Variants in PDK1 observed in about 807,000 individuals in gnomAD.
PDK1 encodes [Pyruvate dehydrogenase (acetyl-transferring)] kinase isozyme 1, mitochondrial.
In PDK1, 39 loss-of-function variants were observed where a neutral mutation model predicts 54.2. The observed-to-expected ratio is 0.72, with a 90% CI of 0.56 to 0.94. The LOEUF (loss-of-function observed/expected upper bound fraction) is 0.94. PDK1 is among the 40% of genes least tolerant of loss of function. The pLI is 0.00. For synonymous variants in PDK1, 221 were observed against 207.1 expected, an observed-to-expected ratio of 1.07 and a Z score of -0.58; for missense variants, 552 against 566.0, an observed-to-expected ratio of 0.98 and a Z score of 0.25.
intron 9 of PDK1, among the ~76,000 whole-genome samples, chr2:172,589,856 TC>T (rs1690474020): frequency 6.6e-6 from 1 of 152,194 alleles, no homozygotes; most frequent in Admixed American, 6.5e-5. Flanking sequence ...GTAGGATTTA[TC>T]CAGATAAAGA....
At chr2:172,622,953 A>G in the PDK1 span, among the ~76,000 whole-genome samples, 1 of 149,476 alleles carries the variant, frequency 6.7e-6, no homozygotes, top group Admixed American at 6.7e-5. Flanking sequence ...AAATATTTAG[A>G]TAGATAGATA....
At chr2:172,664,998 A>G in the PDK1 span, among the ~76,000 whole-genome samples, 2 of 152,146 alleles carry the variant, frequency 1.3e-5, no homozygotes, top group African/African-American at 2.4e-5. Context: ...TTATGTTGGT[A>G]TTGCAAAGTC....
chr2:172,612,031 A>G (rs1257034167), downstream of PDK1, among the ~76,000 whole-genome samples: 3 of 152,252 alleles, frequency 2.0e-5, no homozygotes, highest in Non-Finnish European at 4.4e-5. Flanking sequence ...CATATTTGCC[A>G]TATCATAATT....
upstream of PDK1, chr2:172,555,860 G>A (rs553363292): frequency 2.7e-5 from 8 of 292,496 alleles, no homozygotes; most frequent in South Asian, 3.5e-4. Flanking sequence ...CGGGATCTGG[G>A]CGGCGGCTGC....
At chr2:172,609,749 G>A (rs1691403653), downstream of PDK1, among the ~76,000 whole-genome samples, 1 of 152,182 alleles carries the variant, frequency 6.6e-6, no homozygotes, top group Non-Finnish European at 1.5e-5. Context: ...TTATCCATCT[G>A]GCAAATGCAG....
chr2:172,626,072 T>C, the PDK1 span, among the ~76,000 whole-genome samples: 465 of 152,336 alleles, frequency 3.1e-3, 8 homozygotes, highest in African/African-American at 0.01. Flanking sequence ...AACATTTTTT[T>C]CTTTCCTTGG....
the PDK1 span, among the ~76,000 whole-genome samples, chr2:172,708,471 T>C: frequency 6.6e-6 from 1 of 152,200 alleles, no homozygotes; most frequent in Admixed American, 6.5e-5. Flanking sequence ...TGGCTTGGTT[T>C]AAGAGAGTTA....
chr2:172,705,164 T>A, the PDK1 span, among the ~76,000 whole-genome samples: 1 of 152,208 alleles, frequency 6.6e-6, no homozygotes, highest in Non-Finnish European at 1.5e-5. Context: ...AAATTTTGTA[T>A]AAAATGTACA....
At chr2:172,568,611 T>C (rs1689088401) in intron 6 of PDK1, 130 bp from the exon 7 acceptor site, 1 of 638,572 alleles carries the variant, frequency 1.6e-6, no homozygotes, top group Non-Finnish European at 2.8e-6. Context: ...AGAAATGGTG[T>C]GGCAGTTCTC....
rs759327239 is a variant in PDK1, at chr2:172,564,971, T to G, written c.596-7T>G. The G allele has an allele frequency of 3.4e-5, 54 of 1,600,690 alleles. No individual in the cohort carries two copies. Among genetic ancestry groups the G allele is most frequent in the Non-Finnish European group, 4.3e-5 (50 of 1,168,812 alleles). On this transcript the variant is annotated splice_region_variant and splice_polypyrimidine_tract_variant and intron_variant, in intron 4 of 10. Coordinates refer to ENST00000282077, the MANE Select transcript of PDK1 (RefSeq NM_002610.5). ...TTATTTTGTTGGTTTTTTTCCTTTT[T>G]GGATAGCTTTATTGTTTGGTGGAAA...
chr2:172,643,097 C>T, the PDK1 span, among the ~76,000 whole-genome samples: 2 of 152,176 alleles, frequency 1.3e-5, no homozygotes, highest in South Asian at 2.1e-4. Flanking sequence ...CCTAGGAAAG[C>T]GCTGGGAGTC....
At chr2:172,617,109 A>G in the PDK1 span, among the ~76,000 whole-genome samples, 2 of 151,882 alleles carry the variant, frequency 1.3e-5, no homozygotes, top group African/African-American at 2.4e-5. Context: ...GCCACCACAC[A>G]TGGCTAATTT....
the PDK1 span, among the ~76,000 whole-genome samples, chr2:172,660,407 C>A: frequency 6.6e-6 from 1 of 151,506 alleles, no homozygotes; most frequent in Non-Finnish European, 1.5e-5. Flanking sequence ...CAGGTGCACT[C>A]CACCACACCC....
At chr2:172,560,641 CTG>C (rs1246675014) in intron 2 of PDK1, among the ~76,000 whole-genome samples, 7 of 152,144 alleles carry the variant, frequency 4.6e-5, no homozygotes, top group African/African-American at 9.7e-5. Context: ...TTTTAATAAA[CTG>C]TGTTTATTGA....
chr2:172,568,841 C>T lies in PDK1; in HGVS notation c.846+24C>T, dbSNP rs746038477. 1.0e-5 allele frequency: 14 copies of T among 1,339,402 alleles called. No homozygotes were observed. In the South Asian group the frequency reaches 1.5e-4, roughly 15 times the overall value. 83.0% of individuals were successfully genotyped at this position (1,339,402 alleles called of 1,614,324 possible). A position where few individuals can be genotyped will look rare whatever the true frequency, so the allele number is the denominator to read the frequency against. ...AGGTTTGTAAAATAGTATTACATAACCTTTACCAGTACTTTTCTGAGGTTA... is the reference window on the plus strand; with the variant it reads ...AGGTTTGTAAAATAGTATTACATAATCTTTACCAGTACTTTTCTGAGGTTA... On this transcript the variant is annotated intron_variant, in intron 7 of 10. Transcript: ENST00000282077.
At chr2:172,575,914 A>G (rs917520388) in intron 8 of PDK1, among the ~76,000 whole-genome samples, 11 of 152,006 alleles carry the variant, frequency 7.2e-5, no homozygotes, top group South Asian at 6.2e-4. Context: ...AGCTGTGTCT[A>G]TAGTTTGTGT....
At chr2:172,580,162 T>G (rs1315980500) in intron 8 of PDK1, among the ~76,000 whole-genome samples, 2 of 152,126 alleles carry the variant, frequency 1.3e-5, no homozygotes, top group African/African-American at 2.4e-5. Context: ...GTTTGTTCAT[T>G]TTAAAGAGAT....
the PDK1 span, among the ~76,000 whole-genome samples, chr2:172,667,248 G>C: frequency 6.6e-6 from 1 of 152,334 alleles, no homozygotes; most frequent in Admixed American, 6.5e-5. Flanking sequence ...GAGGGAATGA[G>C]AGGGAAATGT....
chr2:172,564,824 C>T lies in PDK1; in HGVS notation c.595+137C>T, dbSNP rs1574471396. ...TAATTAAGAAAAATAAATAGACTGC[C>T]ATCAAGAAAGGTGTTTTTATTGAAT... On this transcript the variant is annotated intron_variant, in intron 4 of 10. Coordinates refer to ENST00000282077, the MANE Select transcript of PDK1 (RefSeq NM_002610.5). The T allele has an allele frequency of 8.2e-6, 7 of 856,360 alleles. No homozygotes were observed. In the East Asian group the frequency reaches 1.8e-4, roughly 22 times the overall value. 53.0% of individuals were successfully genotyped at this position (856,360 alleles called of 1,614,324 possible). A position where few individuals can be genotyped will look rare whatever the true frequency, so the allele number is the denominator to read the frequency against.
Sources: gnomAD v4.1 joint callset for allele counts (sites outside exome capture counted in the v4.1 genomes callset) on GRCh38, gnomAD v4.1.1 for gene constraint, MANE v1.5 for transcripts, NCBI Gene and HGNC (gene_info 2026-07-23, HGNC 2026-07-21) for gene names.